The following ERC2 variants were observed in gnomAD, a reference collection of about 807,000 sequenced individuals.
ERC2 encodes the protein ERC protein 2.
In ERC2, 42 loss-of-function variants were observed where a neutral mutation model predicts 114.8. That is an observed-to-expected ratio of 0.37 (90% CI 0.29 to 0.47). The LOEUF (loss-of-function observed/expected upper bound fraction) is 0.47. Among genes scored for constraint, ERC2 ranks in the 20% least tolerant of loss-of-function variants. The pLI is 0.99. For missense variants in ERC2, 939 were observed against 1,150.7 expected, an observed-to-expected ratio of 0.82 and a Z score of 2.66; for synonymous variants, 454 against 425.5, an observed-to-expected ratio of 1.07 and a Z score of -0.82.
chr3:56,458,749 G>A (rs1228146472), intron 1 of ERC2, among the ~76,000 whole-genome samples: 5 of 152,160 alleles, frequency 3.3e-5, no homozygotes, highest in Non-Finnish European at 5.9e-5. Flanking sequence ...ACAAAGAAGG[G>A]GGAGGAGGGA....
At position 56,007,298 on chromosome 3, in the gene ERC2, T is replaced by C. The variant is rs374466939; in HGVS notation, c.1944A>G (p.Glu648=). Reference sequence around the variant, plus strand: ...CCGCAGAGGCTAATGAAGATGCATGTTCTTTGAGGTCAATTAAACTAGACT... The same window carrying C: ...CCGCAGAGGCTAATGAAGATGCATGCTCTTTGAGGTCAATTAAACTAGACT... ...EKESSLIDLK[E]HASSLASAGL... Residue 648 remains glutamate, a synonymous_variant, in exon 10 of 18, where the codon GAA becomes GAG. Coordinates refer to ENST00000288221, the MANE Select transcript of ERC2 (RefSeq NM_015576.3). 8.8e-6 allele frequency: 14 copies of C among 1,599,270 alleles called. No individual in the cohort carries two copies. The African/African-American group carries it at 1.3e-4, about 15-fold the overall frequency.
At chr3:55,793,547 A>C (rs2070229066) in intron 14 of ERC2, among the ~76,000 whole-genome samples, 1 of 152,204 alleles carries the variant, frequency 6.6e-6, no homozygotes, top group South Asian at 2.1e-4. Context: ...AGACTTAAAA[A>C]AGAGTTGTTA....
chr3:56,134,236 T>A (rs1036014127), intron 6 of ERC2, among the ~76,000 whole-genome samples: 2 of 152,222 alleles, frequency 1.3e-5, no homozygotes, highest in Non-Finnish European at 2.9e-5. Flanking sequence ...TTTACTTATC[T>A]GCTTTTAAAC....
At position 55,511,202 on chromosome 3, in the gene ERC2, G is replaced by A. The variant is rs2052041998; in HGVS notation, c.*114C>T. 1 of 152,652 alleles carries A rather than the reference G, an allele frequency of 6.6e-6. No homozygotes were observed. The highest frequency in any genetic ancestry group is 1.5e-5 in the Non-Finnish European group (1 of 68,050). 9.5% of individuals were successfully genotyped at this position (152,652 alleles called of 1,614,324 possible). ...GCTCCAGGTGGTGGTGGACAGTGAT[G>A]TGAGCCGCACTGCAATACATTATCA... is the stretch of plus-strand genomic sequence containing the variant. On this transcript the variant is annotated 3_prime_UTR_variant, in exon 18 of 18. Coordinates refer to ENST00000288221, the MANE Select transcript of ERC2 (RefSeq NM_015576.3).
At chr3:56,310,352 C>G (rs1162425863) in intron 2 of ERC2, among the ~76,000 whole-genome samples, 1 of 152,220 alleles carries the variant, frequency 6.6e-6, no homozygotes, top group Non-Finnish European at 1.5e-5. Context: ...ACGGCTCTTT[C>G]ATTTAACTGC....
At chr3:55,630,420 C>T (rs946646181) in intron 17 of ERC2, among the ~76,000 whole-genome samples, 2 of 152,170 alleles carry the variant, frequency 1.3e-5, no homozygotes, top group East Asian at 3.9e-4. Context: ...TCACCCGCCT[C>T]GACCTTCCAA....
chr3:55,650,238 C>T (rs1028602806), intron 17 of ERC2, among the ~76,000 whole-genome samples: 7 of 152,206 alleles, frequency 4.6e-5, no homozygotes, highest in Non-Finnish European at 8.8e-5. Flanking sequence ...ATTCATAGAG[C>T]GTTCCCTGCA....
intron 3 of ERC2, among the ~76,000 whole-genome samples, chr3:56,261,024 C>T (rs1264329542): frequency 5.9e-5 from 9 of 152,244 alleles, no homozygotes; most frequent in Admixed American, 4.6e-4. Flanking sequence ...AAGAGTCACA[C>T]GCGACTGTAA....
chr3:55,832,048 G>A (rs935410238), intron 14 of ERC2, among the ~76,000 whole-genome samples: 2 of 152,246 alleles, frequency 1.3e-5, no homozygotes, highest in Non-Finnish European at 2.9e-5. Flanking sequence ...CAGCGAGGCT[G>A]GGGGAGGGGC....
chr3:56,312,752 A>G (rs2056653282), intron 2 of ERC2, among the ~76,000 whole-genome samples: 1 of 150,990 alleles, frequency 6.6e-6, no homozygotes, highest in Non-Finnish European at 1.5e-5. Context: ...GACTGGGAAA[A>G]CCATGAGGAG....
chr3:56,229,529 C>G (rs942781719), intron 3 of ERC2, among the ~76,000 whole-genome samples: 2 of 152,094 alleles, frequency 1.3e-5, no homozygotes, highest in African/African-American at 4.8e-5. Context: ...AGATATGATA[C>G]TTAAGTACAA....
chr3:55,674,771 A>G (rs2061709780), intron 17 of ERC2, among the ~76,000 whole-genome samples: 1 of 152,180 alleles, frequency 6.6e-6, no homozygotes, highest in Non-Finnish European at 1.5e-5. Flanking sequence ...ACCTCTCTGC[A>G]TATACACAGT....
At chr3:55,798,380 C>T (rs1385898066) in intron 14 of ERC2, among the ~76,000 whole-genome samples, 18 of 151,936 alleles carry the variant, frequency 1.2e-4, no homozygotes, top group Admixed American at 1.1e-3. Context: ...GGGCAGATCA[C>T]GAGGTCAGGA....
rs115620404 is a variant in ERC2, at chr3:55,911,833, A to G, written c.2404-23284T>C. 6.1e-3 allele frequency among the ~76,000 whole-genome samples: 923 copies of G among 152,330 alleles called. 15 individuals are homozygous for G. The highest frequency in any genetic ancestry group is 0.021 in the African/African-American group (888 of 41,570). On this transcript the variant is annotated intron_variant, in intron 13 of 17. Coordinates refer to ENST00000288221, the MANE Select transcript of ERC2 (RefSeq NM_015576.3). ...CATAATGCCACATTCATGTAGATAT[A>G]ACCAAATTTTCAGGTATTTCCAGCT...
intron 14 of ERC2, among the ~76,000 whole-genome samples, chr3:55,854,693 T>C (rs1177514349): frequency 1.3e-5 from 2 of 152,170 alleles, no homozygotes; most frequent in Admixed American, 1.3e-4. Flanking sequence ...AAAGACAGTC[T>C]GGCACGGAGC....
intron 2 of ERC2, among the ~76,000 whole-genome samples, chr3:56,352,781 T>G (rs186620116): frequency 6.6e-6 from 1 of 152,284 alleles, no homozygotes; most frequent in Admixed American, 6.5e-5. Flanking sequence ...GTTGGCACCA[T>G]TCAGTACTTT....
At chr3:56,070,469 A>T (rs201053989) in intron 7 of ERC2, among the ~76,000 whole-genome samples, 34 of 47,952 alleles carry the variant, frequency 7.1e-4, no homozygotes, top group South Asian at 5.1e-3. Flanking sequence ...AACCTTTTTT[A>T]AAAAAAAAAA....
intron 16 of ERC2, among the ~76,000 whole-genome samples, chr3:55,686,755 T>C (rs1341150346): frequency 6.6e-6 from 1 of 152,228 alleles, no homozygotes; most frequent in Non-Finnish European, 1.5e-5. Context: ...GTTTTTCTGT[T>C]TCCAAATCTA....
chr3:55,624,284 C>T (rs879545767), intron 17 of ERC2, among the ~76,000 whole-genome samples: 8 of 152,088 alleles, frequency 5.3e-5, no homozygotes, highest in Non-Finnish European at 1.0e-4. Flanking sequence ...CATAAAACTG[C>T]GCAGGGGGGC....
Sources: gnomAD v4.1 joint callset for allele counts (sites outside exome capture counted in the v4.1 genomes callset) on GRCh38, gnomAD v4.1.1 for gene constraint, MANE v1.5 for transcripts, NCBI Gene and HGNC (gene_info 2026-07-23, HGNC 2026-07-21) for gene names.